TBC1D5: variants seen among roughly 807,000 people sequenced by gnomAD.
TBC1D5 encodes the protein TBC1 domain family, member 5.
In TBC1D5, 75 loss-of-function variants were observed where a neutral mutation model predicts 100.3. That is an observed-to-expected ratio of 0.75 (90% CI 0.62 to 0.91). The LOEUF is 0.91. Among genes scored for constraint, TBC1D5 ranks in the 40% least tolerant of loss-of-function variants. The probability of loss-of-function intolerance (pLI) is 0.00; values close to 1 mark genes in which losing one functional copy is unlikely to be tolerated. For missense variants in TBC1D5, 910 were observed against 942.4 expected (o/e 0.97, Z 0.45); for synonymous variants, 323 against 325.6 (o/e 0.99, Z 0.09).
rs11917279 is a variant in TBC1D5, at chr3:17,661,747, C to T, written c.-100-37834G>A. ...TCTCCTGACCTTGTAATCTGCCCAC[C>T]TCAGCCTCCCAAAGTGCCGGGATCA... On this transcript the variant is annotated intron_variant, in intron 1 of 21. Coordinates refer to ENST00000253692, the Ensembl canonical transcript of TBC1D5. Among the ~76,000 whole-genome samples, 814 of 152,254 alleles carry T rather than the reference C, an allele frequency of 5.3e-3. 12 individuals are homozygous for T. The highest frequency in any genetic ancestry group is 0.019 in the African/African-American group (782 of 41,550).
intron 18 of TBC1D5, among the ~76,000 whole-genome samples, chr3:17,187,132 GT>G (rs2069230729): frequency 6.6e-6 from 1 of 152,106 alleles, no homozygotes; most frequent in Non-Finnish European, 1.5e-5. Flanking sequence ...AATGATTGAG[GT>G]TAGTCTCCAA....
chr3:17,571,005 C>A (rs77791644), intron 2 of TBC1D5, among the ~76,000 whole-genome samples: 1,591 of 151,898 alleles, frequency 0.01, 25 homozygotes, highest in African/African-American at 0.036. Context: ...TTTAGAGACA[C>A]AAACAGATCC....
intron 3 of TBC1D5, among the ~76,000 whole-genome samples, chr3:17,438,796 T>A (rs2149502371): frequency 6.6e-6 from 1 of 152,088 alleles, no homozygotes; most frequent in Non-Finnish European, 1.5e-5. Flanking sequence ...CTTACTACAG[T>A]CCAACAAAAG....
intron 1 of TBC1D5, among the ~76,000 whole-genome samples, chr3:17,704,503 C>T (rs1380784980): frequency 1.7e-5 from 2 of 120,934 alleles, no homozygotes; most frequent in Non-Finnish European, 3.5e-5. Context: ...GGCGGCCGGG[C>T]AGAGGCGCCC....
intron 1 of TBC1D5, chr3:17,647,074 G>A (rs988867514): frequency 1.3e-5 from 2 of 152,046 alleles, no homozygotes; most frequent in African/African-American, 4.8e-5. Context: ...GAAAAAAAGA[G>A]ACCATCACTC....
intron 1 of TBC1D5, among the ~76,000 whole-genome samples, chr3:17,685,937 G>C (rs1201051790): frequency 6.6e-6 from 1 of 152,102 alleles, no homozygotes; most frequent in Non-Finnish European, 1.5e-5. Context: ...AGTGGACAAT[G>C]TTTTACAATT....
At chr3:17,230,736 A>T (rs1449887) in intron 17 of TBC1D5, among the ~76,000 whole-genome samples, 77,613 of 151,856 alleles carry the variant, frequency 0.51, 21,009 homozygotes, top group African/African-American at 0.69. Flanking sequence ...AAAATCTAAA[A>T]TTCTTTCCTA....
Position 17,472,145 on chromosome 3 carries a change from CT to C in TBC1D5, c.97+36328del, listed in dbSNP as rs1205250326. On this transcript the variant is annotated intron_variant, in intron 3 of 21. Coordinates refer to ENST00000253692, the Ensembl canonical transcript of TBC1D5. Reference sequence around the variant, plus strand: ...GTTTTATGAAAGGAGTTTTTTTTTTCTTTTTTTTTTTTGAGATGGAGTCTCA... The same window carrying C: ...GTTTTATGAAAGGAGTTTTTTTTTTCTTTTTTTTTTTGAGATGGAGTCTCA... Among the ~76,000 whole-genome samples the C allele has an allele frequency of 8.3e-3, 1,143 of 137,296 alleles. 9 individuals are homozygous for C. The highest frequency in any genetic ancestry group is 0.026 in the African/African-American group (989 of 37,638). 90.1% of individuals were successfully genotyped at this position (137,296 alleles called of 152,430 possible). A position where few individuals can be genotyped will look rare whatever the true frequency, so the allele number is the denominator to read the frequency against.
At chr3:17,664,105 T>C (rs1366556660) in intron 1 of TBC1D5, among the ~76,000 whole-genome samples, 3 of 152,246 alleles carry the variant, frequency 2.0e-5, no homozygotes, top group African/African-American at 7.2e-5. Context: ...AGTCTCACTC[T>C]GTGGCCCAGG....
At chr3:17,207,683 A>G (rs2072399252) in intron 18 of TBC1D5, among the ~76,000 whole-genome samples, 1 of 152,248 alleles carries the variant, frequency 6.6e-6, no homozygotes, top group Admixed American at 6.5e-5. Flanking sequence ...GATACATAAA[A>G]AGGCAATATT....
chr3:17,499,297 G>T (rs1387314220), intron 3 of TBC1D5, among the ~76,000 whole-genome samples: 1 of 152,182 alleles, frequency 6.6e-6, no homozygotes, highest in Non-Finnish European at 1.5e-5. Flanking sequence ...CCATGAAGGA[G>T]AAATCTGTTT....
intron 3 of TBC1D5, among the ~76,000 whole-genome samples, chr3:17,479,005 G>A (rs1347270970): frequency 3.3e-5 from 5 of 152,164 alleles, no homozygotes. Context: ...TACAAACCAA[G>A]TTAACTGATA....
rs2094110770 is a variant in TBC1D5, at chr3:17,417,463, A to G, written c.168-10937T>C. ...GGTGTTTGGCTTTTTGTTCTTGCGAATAGTTTACTGAGAATGATGATTGCC... is the reference window on the plus strand; with the variant it reads ...GGTGTTTGGCTTTTTGTTCTTGCGAGTAGTTTACTGAGAATGATGATTGCC... On this transcript the variant is annotated intron_variant, in intron 4 of 21. Coordinates refer to ENST00000253692, the Ensembl canonical transcript of TBC1D5. Among the ~76,000 whole-genome samples, 5 of 126,882 alleles carry G rather than the reference A, an allele frequency of 3.9e-5. No homozygotes were observed. The South Asian group carries it at 1.2e-3, about 30-fold the overall frequency. 83.2% of individuals were successfully genotyped at this position (126,882 alleles called of 152,430 possible). A position where few individuals can be genotyped will look rare whatever the true frequency, so the allele number is the denominator to read the frequency against.
At position 17,521,494 on chromosome 3, in the gene TBC1D5, G is replaced by A. The variant is rs184534676; in HGVS notation, c.-35-12889C>T. Among the ~76,000 whole-genome samples, 99 of 152,156 alleles carry A rather than the reference G, an allele frequency of 6.5e-4. 1 individual carries two copies. The highest frequency in any genetic ancestry group is 2.3e-3 in the African/African-American group (96 of 41,508). On this transcript the variant is annotated intron_variant, in intron 2 of 21. Coordinates refer to ENST00000253692, the Ensembl canonical transcript of TBC1D5. ...TGTTAATCAACTGTTTATGTCATTGGTAAGGCTTCTGGTCAACAGTAGGCT... is the reference window on the plus strand; with the variant it reads ...TGTTAATCAACTGTTTATGTCATTGATAAGGCTTCTGGTCAACAGTAGGCT...
At chr3:17,473,619 T>C (rs1248176758) in intron 3 of TBC1D5, among the ~76,000 whole-genome samples, 2 of 152,226 alleles carry the variant, frequency 1.3e-5, no homozygotes, top group Admixed American at 1.3e-4. Context: ...ACCTACTTAA[T>C]AATCTTCTCT....
chr3:17,353,099 T>C (rs1220306975), intron 13 of TBC1D5, among the ~76,000 whole-genome samples: 1 of 152,086 alleles, frequency 6.6e-6, no homozygotes, highest in Non-Finnish European at 1.5e-5. Flanking sequence ...CATATCATTA[T>C]TTGGCTCTGG....
chr3:17,322,384 A>G (rs1322394166), intron 13 of TBC1D5, among the ~76,000 whole-genome samples: 3 of 152,220 alleles, frequency 2.0e-5, no homozygotes, highest in Non-Finnish European at 4.4e-5. Context: ...CTTCCCCTTC[A>G]GACCATGATG....
At chr3:17,282,826 T>C (rs2080757373) in intron 15 of TBC1D5, among the ~76,000 whole-genome samples, 1 of 152,266 alleles carries the variant, frequency 6.6e-6, no homozygotes, top group African/African-American at 2.4e-5. Flanking sequence ...TTATGTTGAA[T>C]AATAACATGA....
chr3:17,476,214 A>AT (rs1404278268), intron 3 of TBC1D5, among the ~76,000 whole-genome samples: 2 of 151,648 alleles, frequency 1.3e-5, no homozygotes, highest in South Asian at 2.1e-4. Flanking sequence ...CTATATATAT[A>AT]TTTTTTCCTT....
Sources: gnomAD v4.1 joint callset for allele counts (sites outside exome capture counted in the v4.1 genomes callset) on GRCh38, gnomAD v4.1.1 for gene constraint, MANE v1.5 for transcripts, NCBI Gene and HGNC (gene_info 2026-07-23, HGNC 2026-07-21) for gene names.